ITPR1: variants seen among roughly 807,000 people sequenced by gnomAD.
ITPR1 encodes the protein inositol 1,4,5-trisphosphate receptor type 1, also known as inositol 1,4,5-trisphosphate-gated calcium channel ITPR1.
ITPR1 carries 96 observed loss-of-function variants against 318.4 expected under a neutral mutation model. The ratio of observed to expected loss-of-function variants is 0.30; its 90% CI spans 0.26 to 0.36. The LOEUF (loss-of-function observed/expected upper bound fraction) is 0.36. Among genes scored for constraint, ITPR1 ranks in the 10% least tolerant of loss-of-function variants. The pLI is 1.00. For synonymous variants in ITPR1, 1,312 were observed against 1,289.9 expected (o/e 1.02, Z -0.37); for missense variants, 2,440 against 3,460.2 (o/e 0.71, Z 7.40).
intron 60 of ITPR1, chr3:4,825,731 T>C (rs1481152644): frequency 4.4e-6 from 2 of 456,572 alleles, no homozygotes; most frequent in Admixed American, 4.7e-5. Context: ...AAAGGGGAAC[T>C]GGCTGAAGTC....
chr3:4,707,720 A>G (rs181984703), intron 37 of ITPR1, among the ~76,000 whole-genome samples: 35 of 152,296 alleles, frequency 2.3e-4, no homozygotes, highest in Non-Finnish European at 4.4e-4. Flanking sequence ...AAACACATAG[A>G]GCAGTGCCTG....
intron 52 of ITPR1, among the ~76,000 whole-genome samples, chr3:4,788,629 C>T: frequency 6.6e-6 from 1 of 152,170 alleles, no homozygotes; most frequent in East Asian, 1.9e-4. Flanking sequence ...TAAGGTGCAT[C>T]ATTGCTCACC....
At chr3:4,615,046 A>G (rs1209437465) in intron 4 of ITPR1, among the ~76,000 whole-genome samples, 1 of 152,202 alleles carries the variant, frequency 6.6e-6, no homozygotes, top group African/African-American at 2.4e-5. Context: ...GAGGCTTGGA[A>G]TGGGGCCCAG....
chr3:4,711,169 C>T (rs1459428085), intron 38 of ITPR1, among the ~76,000 whole-genome samples: 3 of 141,344 alleles, frequency 2.1e-5, no homozygotes, highest in African/African-American at 8.0e-5. Flanking sequence ...CAAGATCGCG[C>T]TACTGCACTC....
At chr3:4,496,991 A>G (rs552321674) in intron 2 of ITPR1, among the ~76,000 whole-genome samples, 12 of 152,146 alleles carry the variant, frequency 7.9e-5, no homozygotes, top group Non-Finnish European at 1.6e-4. Context: ...CTTGTTTACT[A>G]TTGGTTTGAT....
At chr3:4,694,730 A>G (rs994208640) in intron 33 of ITPR1, among the ~76,000 whole-genome samples, 4 of 152,220 alleles carry the variant, frequency 2.6e-5, no homozygotes, top group African/African-American at 9.6e-5. Flanking sequence ...AAAATTGGGT[A>G]TTATAATCTT....
chr3:4,840,241 A>C (rs1436426938), intron 61 of ITPR1, among the ~76,000 whole-genome samples: 2 of 152,124 alleles, frequency 1.3e-5, no homozygotes, highest in Non-Finnish European at 2.9e-5. Flanking sequence ...AAGATATTAA[A>C]AAATGCAGAT....
intron 51 of ITPR1, among the ~76,000 whole-genome samples, chr3:4,784,668 G>C (rs547082296): frequency 1.9e-4 from 28 of 149,210 alleles, no homozygotes; most frequent in Non-Finnish European, 3.1e-4. Flanking sequence ...ATCACTTGAG[G>C]TCAGGAGTTC....
intron 4 of ITPR1, among the ~76,000 whole-genome samples, chr3:4,593,194 A>G (rs1399498162): frequency 2.6e-5 from 4 of 152,208 alleles, no homozygotes; most frequent in Non-Finnish European, 4.4e-5. Context: ...TTGCTATGGC[A>G]CTTGGAACTG....
At chr3:4,658,733 A>G (rs1224768536) in intron 13 of ITPR1, among the ~76,000 whole-genome samples, 2 of 152,140 alleles carry the variant, frequency 1.3e-5, no homozygotes, top group African/African-American at 2.4e-5. Flanking sequence ...ACATTCAACC[A>G]GAAATCTTTA....
rs544027285 is a variant in ITPR1 at position 4,760,788 on chromosome 3, C to T, written c.5545-5742C>T. 1.6e-4 allele frequency among the ~76,000 whole-genome samples: 25 copies of T among 152,302 alleles called. No individual in the cohort carries two copies. In the South Asian group the frequency reaches 3.5e-3, roughly 21 times the overall value. ...ATGGAGTCCTTCTCACATTGCCTCT[C>T]GCCACCCTCCTCTCCTGCCTCCTGC... On this transcript the variant is annotated intron_variant, in intron 44 of 61. Coordinates refer to ENST00000649015, the MANE Select transcript of ITPR1 (RefSeq NM_001378452.1).
At chr3:4,780,861 C>T (rs2046785062) in intron 49 of ITPR1, among the ~76,000 whole-genome samples, 1 of 152,212 alleles carries the variant, frequency 6.6e-6, no homozygotes, top group South Asian at 2.1e-4. Flanking sequence ...GAACATGCCC[C>T]AGCTCTCTGA....
chr3:4,531,580 C>A (rs909434945), intron 4 of ITPR1, among the ~76,000 whole-genome samples: 2 of 152,210 alleles, frequency 1.3e-5, no homozygotes, highest in Non-Finnish European at 2.9e-5. Flanking sequence ...CTGCATGAGT[C>A]ACCACTGCTT....
chr3:4,622,306 G>C (rs866473039), intron 4 of ITPR1, among the ~76,000 whole-genome samples: 5 of 150,912 alleles, frequency 3.3e-5, no homozygotes, highest in Middle Eastern at 3.4e-3. Flanking sequence ...GTAGAGATGG[G>C]GTTTCACCAT....
intron 4 of ITPR1, among the ~76,000 whole-genome samples, chr3:4,604,006 T>C (rs1237630369): frequency 6.6e-6 from 1 of 152,224 alleles, no homozygotes; most frequent in Non-Finnish European, 1.5e-5. Flanking sequence ...CTTTTTAAAT[T>C]TTTTAATAGC....
chr3:4,668,714 C>T (rs1034814474), intron 18 of ITPR1, among the ~76,000 whole-genome samples: 1 of 152,220 alleles, frequency 6.6e-6, no homozygotes, highest in Non-Finnish European at 1.5e-5. Context: ...GATCTGTCCG[C>T]CTTTGCCTCC....
intron 10 of ITPR1, among the ~76,000 whole-genome samples, chr3:4,650,605 T>TTG (rs752768399): frequency 0.27 from 35,261 of 132,920 alleles, 6,176 homozygotes; most frequent in Non-Finnish European, 0.36. Context: ...TGATATGCCT[T>TTG]AGTGTGTGTG....
intron 4 of ITPR1, among the ~76,000 whole-genome samples, chr3:4,576,105 T>C (rs1295295523): frequency 2.6e-5 from 4 of 152,164 alleles, no homozygotes; most frequent in African/African-American, 9.7e-5. Flanking sequence ...TTGTTTTCTT[T>C]ATAATGAATG....
At chr3:4,764,126 T>A (rs911874635) in intron 44 of ITPR1, among the ~76,000 whole-genome samples, 10 of 152,220 alleles carry the variant, frequency 6.6e-5, no homozygotes, top group African/African-American at 2.4e-4. Context: ...GGTGAGAAAT[T>A]CAGTCACCAT....
Sources: allele counts gnomAD v4.1 joint callset (sites outside exome capture counted in the v4.1 genomes callset), GRCh38; gene constraint gnomAD v4.1.1; transcripts MANE v1.5; gene names NCBI Gene and HGNC (gene_info 2026-07-23, HGNC 2026-07-21).